The following YWHAH variants were observed in gnomAD, a reference collection of about 807,000 sequenced individuals.
YWHAH encodes the protein 14-3-3 protein eta.
YWHAH carries 6 observed loss-of-function variants against 22.9 expected under a neutral mutation model. The ratio of observed to expected loss-of-function variants is 0.26; its 90% confidence interval spans 0.14 to 0.52. The LOEUF is 0.52. Ranked by LOEUF, YWHAH falls within the 20% of genes least tolerant of loss-of-function variation. The pLI, the probability that YWHAH is intolerant of heterozygous loss-of-function variation, is 0.97. For missense variants in YWHAH, 173 were observed against 308.6 expected (o/e 0.56, Z 3.29); for synonymous variants, 135 against 124.5 (o/e 1.08, Z -0.56).
At position 31,956,884 on chromosome 22, in the gene YWHAH, A is replaced by T. The variant is rs553190974; in HGVS notation, c.*92A>T. 68 of 1,414,344 alleles carry T rather than the reference A, an allele frequency of 4.8e-5. No individual in the cohort carries two copies. The highest frequency in any genetic ancestry group is 6.2e-5 in the Non-Finnish European group (66 of 1,067,018). The allele number at this position is 1,414,344 out of a possible 1,614,324, so 87.6% of individuals were successfully genotyped here. A position where few individuals can be genotyped will look rare whatever the true frequency, so the allele number is the denominator to read the frequency against. On this transcript the variant is annotated 3_prime_UTR_variant, in exon 2 of 2. Coordinates refer to ENST00000248975, the MANE Select transcript of YWHAH (RefSeq NM_003405.4). This position sits in a 1 kb window ranked among gnomAD's most constrained non-coding sequence, Gnocchi z 5.1. The stretch of plus-strand genomic sequence containing the variant: ...ACAATCACTAAATATCTAGTGCTAA[A>T]CCTATCTGTATTGGCAGCACAGCTA...
chr22:31,950,348 C>T, intron 1 of YWHAH: 1 of 779,496 alleles, frequency 1.3e-6, no homozygotes. Flanking sequence ...GTGGAGGCAG[C>T]TTGTCTTCTG....
intron 1 of YWHAH, among the ~76,000 whole-genome samples, chr22:31,946,114 C>T (rs1184553823): frequency 6.6e-6 from 1 of 152,120 alleles, no homozygotes; most frequent in East Asian, 1.9e-4. Flanking sequence ...CCTCTGGTGT[C>T]CTTGTTACAC....
intron 1 of YWHAH, chr22:31,950,526 T>G: frequency 3.2e-6 from 2 of 620,748 alleles, no homozygotes; most frequent in Non-Finnish European, 6.0e-6. Flanking sequence ...ATTCAGATGG[T>G]GTTGTATTTA....
At chr22:31,948,544 A>G (rs2093838280) in intron 1 of YWHAH, among the ~76,000 whole-genome samples, 3 of 152,030 alleles carry the variant, frequency 2.0e-5, no homozygotes, top group Admixed American at 2.0e-4. Context: ...GTGCCCAGCT[A>G]ATTATTAAAT....
At chr22:31,944,924 G>C in intron 1 of YWHAH, 104 bp downstream of exon 1, 1 of 1,141,980 alleles carries the variant, frequency 8.8e-7, no homozygotes, top group Non-Finnish European at 1.1e-6. Flanking sequence ...GGGCGACCCG[G>C]CGACCCGGCT....
intron 1 of YWHAH, among the ~76,000 whole-genome samples, chr22:31,952,094 A>G (rs559083980): frequency 8.5e-5 from 13 of 152,334 alleles, no homozygotes; most frequent in African/African-American, 1.4e-4. Flanking sequence ...TAGAGCGGAA[A>G]GAGGCTGAAA....
chr22:31,955,762 G>C (rs1198104000), intron 1 of YWHAH, among the ~76,000 whole-genome samples: 1 of 152,148 alleles, frequency 6.6e-6, no homozygotes, highest in African/African-American at 2.4e-5. Flanking sequence ...ATCTTTTGCA[G>C]AATGGCTGAA....
At chr22:31,949,594 T>C (rs899068238) in intron 1 of YWHAH, among the ~76,000 whole-genome samples, 4 of 151,928 alleles carry the variant, frequency 2.6e-5, no homozygotes, top group Non-Finnish European at 5.9e-5. Flanking sequence ...GCCTCCTGGG[T>C]TCACGCCATT....
At chr22:31,952,102 A>T (rs776755519) in intron 1 of YWHAH, among the ~76,000 whole-genome samples, 5 of 152,220 alleles carry the variant, frequency 3.3e-5, no homozygotes, top group Non-Finnish European at 7.3e-5. Flanking sequence ...AAAGAGGCTG[A>T]AAACTATTGT....
intron 1 of YWHAH, among the ~76,000 whole-genome samples, chr22:31,949,448 C>T (rs919783347): frequency 1.3e-5 from 2 of 151,734 alleles, no homozygotes; most frequent in African/African-American, 4.8e-5. Flanking sequence ...TTGGTTAGAA[C>T]TTATTTAACT....
In YWHAH at chr22:31,957,005, T is replaced by C; in HGVS notation, c.*213T>C. ...GCTTTGAGCCCACAGGAGCTCCCTT[T>C]TTGAATTGTGTGGAGAAGTGTGTTC... On this transcript the variant is annotated 3_prime_UTR_variant, in exon 2 of 2. Transcript: ENST00000248975. 1 of 595,684 alleles carries C rather than the reference T, an allele frequency of 1.7e-6. No homozygotes were observed. Among genetic ancestry groups the C allele is most frequent in the Non-Finnish European group, 2.8e-6 (1 of 354,618 alleles). The allele number at this position is 595,684 out of a possible 1,614,324, so 36.9% of individuals were successfully genotyped here. A position where few individuals can be genotyped will look rare whatever the true frequency, so the allele number is the denominator to read the frequency against.
chr22:31,946,572 AAAG>A (rs1180948291), intron 1 of YWHAH, among the ~76,000 whole-genome samples: 1 of 152,330 alleles, frequency 6.6e-6, no homozygotes, highest in East Asian at 1.9e-4. Context: ...AATGTGGTGA[AAAG>A]AAAGGAGGGA....
At chr22:31,949,464 G>A (rs9621370) in intron 1 of YWHAH, among the ~76,000 whole-genome samples, 1 of 151,838 alleles carries the variant, frequency 6.6e-6, no homozygotes, top group African/African-American at 2.4e-5. Context: ...TAACTTTTTA[G>A]GCACTTGGTA....
At chr22:31,949,209 G>A (rs540849533) in intron 1 of YWHAH, among the ~76,000 whole-genome samples, 4 of 137,918 alleles carry the variant, frequency 2.9e-5, no homozygotes, top group South Asian at 4.4e-4. Context: ...GAGCAATCTC[G>A]GCTCTCTGCA....
intron 1 of YWHAH, among the ~76,000 whole-genome samples, chr22:31,948,388 A>ATT (rs34020759): frequency 6.2e-5 from 9 of 146,328 alleles, no homozygotes; most frequent in African/African-American, 7.5e-5. Context: ...TGTGATTAGT[A>ATT]TTTTTTTTTT....
chr22:31,946,789 G>T (rs2093835450), intron 1 of YWHAH, among the ~76,000 whole-genome samples: 1 of 152,202 alleles, frequency 6.6e-6, no homozygotes. Context: ...CAAGCTACTT[G>T]TGTCCATAGA....
At chr22:31,950,603 A>G (rs1156597514) in intron 1 of YWHAH, among the ~76,000 whole-genome samples, 1 of 152,202 alleles carries the variant, frequency 6.6e-6, no homozygotes, top group African/African-American at 2.4e-5. Context: ...TCTCTTGGCT[A>G]TACAAGGGTA....
chr22:31,944,648 C>T lies in YWHAH; in HGVS notation c.-86C>T. On this transcript the variant is annotated 5_prime_UTR_variant, in exon 1 of 2. Coordinates refer to ENST00000248975, the MANE Select transcript of YWHAH (RefSeq NM_003405.4). ...AGTGCGCGTGCGCGGCGGCGGCCTCCGCAGCGACCGGGGAGCGGACTGACC... is the reference window on the plus strand; with the variant it reads ...AGTGCGCGTGCGCGGCGGCGGCCTCTGCAGCGACCGGGGAGCGGACTGACC... 3 of 1,091,182 alleles carry T rather than the reference C, an allele frequency of 2.7e-6. No homozygotes were observed. Among genetic ancestry groups the T allele is most frequent in the Admixed American group, 4.7e-5 (1 of 21,294 alleles). The allele number at this position is 1,091,182 out of a possible 1,614,324, so 67.6% of individuals were successfully genotyped here.
At chr22:31,951,754 A>C (rs2093843597) in intron 1 of YWHAH, among the ~76,000 whole-genome samples, 1 of 152,152 alleles carries the variant, frequency 6.6e-6, no homozygotes, top group African/African-American at 2.4e-5. Flanking sequence ...GTGTGAAGTG[A>C]GTGCCCTGGG....
Sources: gnomAD v4.1 joint callset for allele counts (sites outside exome capture counted in the v4.1 genomes callset) on GRCh38, gnomAD v4.1.1 for gene constraint, Gnocchi (gnomAD v3.1) non-coding constraint, MANE v1.5 for transcripts, NCBI Gene and HGNC (gene_info 2026-07-23, HGNC 2026-07-21) for gene names.